Variants in PRORP observed in about 807,000 individuals in gnomAD.
PRORP encodes mitochondrial ribonuclease P catalytic subunit.
In PRORP, 51 loss-of-function variants were observed where a neutral mutation model predicts 59.4. That is an observed-to-expected ratio of 0.86 (90% CI 0.69 to 1.08). PRORP has a LOEUF of 1.08. Among genes scored for constraint, PRORP ranks in the 50% least tolerant of loss-of-function variants. The pLI is 0.00. For synonymous variants in PRORP, 231 were observed against 245.6 expected, an observed-to-expected ratio of 0.94 and a Z score of 0.55; for missense variants, 646 against 690.3, an observed-to-expected ratio of 0.94 and a Z score of 0.72.
intron 5 of PRORP, among the ~76,000 whole-genome samples, chr14:35,232,121 T>C (rs2138499750): frequency 6.6e-6 from 1 of 152,274 alleles, no homozygotes; most frequent in African/African-American, 2.4e-5. Flanking sequence ...TTTGGGGAGA[T>C]GGTTTATATC....
intron 7 of PRORP, among the ~76,000 whole-genome samples, chr14:35,273,025 T>TTTG (rs140178401): frequency 0.057 from 8,741 of 152,264 alleles, 327 homozygotes; most frequent in Middle Eastern, 0.11. Context: ...AACACAGTTT[T>TTTG]TTGTTGTTGT....
At chr14:35,209,374 A>G (rs1018626252) in intron 5 of PRORP, among the ~76,000 whole-genome samples, 1 of 152,128 alleles carries the variant, frequency 6.6e-6, no homozygotes, top group African/African-American at 2.4e-5. Context: ...AAATTTCCAT[A>G]GTCTGTCTAT....
In PRORP at chr14:35,253,939, A is replaced by C. The variant is rs549805919; in HGVS notation, c.1276-12788A>C. On this transcript the variant is annotated intron_variant, in intron 5 of 7. Transcript: ENST00000534898. ...TTACCTGTCCTGTTACGGCTCATCT[A>C]CTCTCTGATGGCACCTGCCATTGCA... Among the ~76,000 whole-genome samples, 3 of 149,838 alleles carry C rather than the reference A, an allele frequency of 2.0e-5. No individual in the cohort carries two copies. The East Asian group carries it at 5.9e-4, about 29-fold the overall frequency.
chr14:35,228,757 G>A (rs1461572765), intron 5 of PRORP, among the ~76,000 whole-genome samples: 1 of 152,166 alleles, frequency 6.6e-6, no homozygotes, highest in Non-Finnish European at 1.5e-5. Context: ...GAATAATGTT[G>A]CGATGAACAT....
intron 4 of PRORP, among the ~76,000 whole-genome samples, chr14:35,166,791 T>C (rs934491591): frequency 2.0e-5 from 3 of 152,152 alleles, no homozygotes. Context: ...GTATCTTTCA[T>C]TGGCCTGTGA....
rs1230052932 is a variant in PRORP at position 35,129,479 on chromosome 14, C to CT, written c.1167+1881dup. ...TTTTTTGTGTATCTGTTGTATTTTT[C>CT]TTTTTTTTTTTTTGAGATGGAGTAT... On this transcript the variant is annotated intron_variant, in intron 4 of 7. Coordinates refer to ENST00000534898, the MANE Select transcript of PRORP (RefSeq NM_014672.4). Among the ~76,000 whole-genome samples, 246 of 140,862 alleles carry CT rather than the reference C, an allele frequency of 1.7e-3. 1 individual carries two copies. Among genetic ancestry groups the CT allele is most frequent in the African/African-American group, 3.6e-3 (141 of 38,640 alleles). The allele number at this position is 140,862 out of a possible 152,430, so 92.4% of individuals were successfully genotyped here.
intron 5 of PRORP, among the ~76,000 whole-genome samples, chr14:35,250,077 G>C (rs1168553369): frequency 2.6e-5 from 4 of 151,900 alleles, no homozygotes; most frequent in African/African-American, 9.7e-5. Flanking sequence ...GCGAAACCCT[G>C]TCTCTATAAA....
At chr14:35,254,903 A>G (rs763252375) in intron 5 of PRORP, among the ~76,000 whole-genome samples, 71 of 151,924 alleles carry the variant, frequency 4.7e-4, no homozygotes, top group Non-Finnish European at 9.1e-4. Flanking sequence ...AAGAGCCTCC[A>G]CCTTCAACTT....
intron 4 of PRORP, among the ~76,000 whole-genome samples, chr14:35,179,195 T>C (rs900396701): frequency 3.3e-5 from 5 of 152,226 alleles, no homozygotes; most frequent in African/African-American, 1.2e-4. Flanking sequence ...ATTTCAACTT[T>C]AGTGAATCTG....
At chr14:35,245,209 A>C (rs1006930182) in intron 5 of PRORP, among the ~76,000 whole-genome samples, 1 of 152,224 alleles carries the variant, frequency 6.6e-6, no homozygotes, top group Non-Finnish European at 1.5e-5. Context: ...GAGTAGGTCA[A>C]AACAAAAATT....
At chr14:35,127,130 G>A (rs1261523453) in intron 3 of PRORP, among the ~76,000 whole-genome samples, 1 of 151,992 alleles carries the variant, frequency 6.6e-6, no homozygotes, top group Admixed American at 6.6e-5. Flanking sequence ...GGTGGCTCAC[G>A]CCTGTAATCC....
chr14:35,166,911 G>A (rs1329937114), intron 4 of PRORP, among the ~76,000 whole-genome samples: 2 of 152,042 alleles, frequency 1.3e-5, no homozygotes, highest in Non-Finnish European at 1.5e-5. Context: ...TTGTCCCTTC[G>A]GATGCTGGCA....
intron 5 of PRORP, among the ~76,000 whole-genome samples, chr14:35,210,750 C>CTTTTT (rs71435870): frequency 2.9e-5 from 1 of 34,084 alleles, no homozygotes; most frequent in Non-Finnish European, 5.0e-5. Flanking sequence ...TTTCTTTTGC[C>CTTTTT]TTTTTTTTTT....
intron 5 of PRORP, among the ~76,000 whole-genome samples, chr14:35,231,633 G>A (rs2050084080): frequency 6.6e-6 from 1 of 152,116 alleles, no homozygotes; most frequent in Admixed American, 6.5e-5. Context: ...GAGATGAATT[G>A]GAGTAGTCAT....
In PRORP at chr14:35,194,248, CTGTT is replaced by C. The variant is rs552761427; in HGVS notation, c.1275+13475_1275+13478del. 9.9e-5 allele frequency among the ~76,000 whole-genome samples: 15 copies of C among 152,258 alleles called. No individual in the cohort carries two copies. In the East Asian group the frequency reaches 2.7e-3, roughly 27 times the overall value. ...GAGAGTTCACTCATGATTTGGCTCTCTGTTTGTCTATTATTGGTGTACAAGAATG... is the reference window on the plus strand; with the variant it reads ...GAGAGTTCACTCATGATTTGGCTCTCTGTCTATTATTGGTGTACAAGAATG... On this transcript the variant is annotated intron_variant, in intron 5 of 7. Coordinates refer to ENST00000534898, the MANE Select transcript of PRORP (RefSeq NM_014672.4).
At chr14:35,147,270 A>C (rs186334643) in intron 4 of PRORP, among the ~76,000 whole-genome samples, 1,994 of 152,328 alleles carry the variant, frequency 0.013, 22 homozygotes, top group Middle Eastern at 0.048. Flanking sequence ...GCTGATGGCA[A>C]GTCTTGCCTT....
At position 35,142,525 on chromosome 14, in the gene PRORP, TAA is replaced by T. The variant is rs71435859; in HGVS notation, c.1167+14926_1167+14927del. On this transcript the variant is annotated intron_variant, in intron 4 of 7. Coordinates refer to ENST00000534898, the MANE Select transcript of PRORP (RefSeq NM_014672.4). ...CACCCTGCCCTGCTAATTTTTAAAT[TAA>T]AAAAAAAAAAATTTTAGATAGGGTA... Among the ~76,000 whole-genome samples the T allele has an allele frequency of 4.5e-4, 60 of 133,384 alleles. 4 individuals are homozygous for T. The highest frequency in any genetic ancestry group is 6.6e-4 in the Non-Finnish European group (40 of 60,880). The allele number at this position is 133,384 out of a possible 152,430, so 87.5% of individuals were successfully genotyped here.
At chr14:35,147,817 G>A (rs990348332) in intron 4 of PRORP, among the ~76,000 whole-genome samples, 12 of 152,168 alleles carry the variant, frequency 7.9e-5, no homozygotes, top group Non-Finnish European at 1.2e-4. Context: ...CTAAGTTTAC[G>A]TAATATTCTA....
chr14:35,132,428 A>C (rs2047267315), intron 4 of PRORP, among the ~76,000 whole-genome samples: 1 of 151,966 alleles, frequency 6.6e-6, no homozygotes, highest in Non-Finnish European at 1.5e-5. Flanking sequence ...ACTGCACTCC[A>C]GCCTGGGCAA....
Sources: allele counts gnomAD v4.1 joint callset (sites outside exome capture counted in the v4.1 genomes callset), GRCh38; gene constraint gnomAD v4.1.1; transcripts MANE v1.5; gene names NCBI Gene and HGNC (gene_info 2026-07-23, HGNC 2026-07-21).